USP6NL: variants seen among roughly 807,000 people sequenced by gnomAD.
The protein encoded by USP6NL is USP6 N-terminal-like protein.
USP6NL carries 26 observed loss-of-function variants against 61.9 expected under a neutral mutation model. The observed-to-expected ratio is 0.42, with a 90% CI of 0.31 to 0.58. The LOEUF is 0.58. Ranked by LOEUF, USP6NL falls within the 20% of genes least tolerant of loss-of-function variation. The pLI is 0.16. For missense variants in USP6NL, 1,114 were observed against 1,034.3 expected (o/e 1.08, Z -1.06); for synonymous variants, 432 against 390.1 (o/e 1.11, Z -1.27).
Position 11,463,675 on chromosome 10 carries a change from G to C in USP6NL, c.1253C>G (p.Pro418Arg), listed in dbSNP as rs754693238. 1.7e-5 allele frequency: 28 copies of C among 1,613,820 alleles called. No homozygotes were observed. The highest frequency in any genetic ancestry group is 2.3e-5 in the Non-Finnish European group (27 of 1,179,882). The change falls in exon 15 of 15, where the codon CCC becomes CGC. Residue 418 changes from proline to arginine, a missense_variant. Transcript: ENST00000609104. The surrounding 1 kb of genome is among the most constrained non-coding windows in gnomAD (Gnocchi z 6.3). ...PHRRHEHSPH[P>R]QSRTGTPERA... ...CTCGGGCGTCCCGGTCCTGCTCTGG[G>C]GGTGCGGGGAGTGCTCGTGCCTCCT...
intron 2 of USP6NL, among the ~76,000 whole-genome samples, chr10:11,576,484 G>A (rs781303882): frequency 2.0e-5 from 3 of 152,136 alleles, no homozygotes; most frequent in Non-Finnish European, 4.4e-5. Flanking sequence ...TTCATTAATG[G>A]GCTTAGTGCC....
intron 2 of USP6NL, among the ~76,000 whole-genome samples, chr10:11,546,816 C>A (rs541159524): frequency 4.6e-5 from 7 of 152,294 alleles, no homozygotes; most frequent in African/African-American, 1.7e-4. Flanking sequence ...AGTTAATTGC[C>A]TACTTCCTTT....
At position 11,495,363 on chromosome 10, in the gene USP6NL, A is replaced by G. The variant is rs1307990639; in HGVS notation, c.385-2135T>C. Among the ~76,000 whole-genome samples, 3 of 152,174 alleles carry G rather than the reference A, an allele frequency of 2.0e-5. No individual in the cohort carries two copies. Among genetic ancestry groups the G allele is most frequent in the Admixed American group, 2.0e-4 (3 of 15,282 alleles). On this transcript the variant is annotated intron_variant, in intron 7 of 14. Transcript: ENST00000609104. This position sits in a 1 kb window ranked among gnomAD's most constrained non-coding sequence, Gnocchi z 4.6. The stretch of plus-strand genomic sequence containing the variant: ...TCTGGTATAACTATTCTTGTTTTAT[A>G]TTTTATTATACTGGAACAGCTCGTG...
At position 11,470,160 on chromosome 10, in the gene USP6NL, G is replaced by A. The variant is rs1002527412; in HGVS notation, c.1079-6311C>T. On this transcript the variant is annotated intron_variant, in intron 14 of 14. Transcript: ENST00000609104. This position sits in a 1 kb window ranked among gnomAD's most constrained non-coding sequence, Gnocchi z 5.4. ...AGGTGAGGAAGAAGGAAGACGTGGC[G>A]GGGAGGTCACGGAAGGCAAGTAATG... Among the ~76,000 whole-genome samples, 6 of 152,170 alleles carry A rather than the reference G, an allele frequency of 3.9e-5. No homozygotes were observed. Among genetic ancestry groups the A allele is most frequent in the South Asian group, 2.1e-4 (1 of 4,816 alleles).
At position 11,499,218 on chromosome 10, in the gene USP6NL, C is replaced by T. The variant is rs1046441292; in HGVS notation, c.384+1883G>A. On this transcript the variant is annotated intron_variant, in intron 7 of 14. Coordinates refer to ENST00000609104, the MANE Select transcript of USP6NL (RefSeq NM_014688.5). This position sits in a 1 kb window ranked among gnomAD's most constrained non-coding sequence, Gnocchi z 4.5. ...GGATGAGAAAGGAAAAAAAAGTTGG[C>T]TAAATAATGATGCTGGGGGAAACTC... Among the ~76,000 whole-genome samples, 9 of 152,010 alleles carry T rather than the reference C, an allele frequency of 5.9e-5. No homozygotes were observed. Among genetic ancestry groups the T allele is most frequent in the Non-Finnish European group, 1.2e-4 (8 of 68,010 alleles).
rs1271419587 is a variant in USP6NL, at chr10:11,611,414, C to T, written c.-84+29G>A. On this transcript the variant is annotated intron_variant, in intron 1 of 14. Coordinates refer to ENST00000609104, the MANE Select transcript of USP6NL (RefSeq NM_014688.5). The surrounding 1 kb of genome is among the most constrained non-coding windows in gnomAD (Gnocchi z 5.3). ...GCGGAGCCCGCCGCCGCCGGCCCCT[C>T]ACGGCGGGAGCTGAGGAATGGAAGT... The T allele has an allele frequency of 1.3e-5, 2 of 152,510 alleles. No homozygotes were observed. Among genetic ancestry groups the T allele is most frequent in the Non-Finnish European group, 2.9e-5 (2 of 68,166 alleles). 9.4% of individuals were successfully genotyped at this position (152,510 alleles called of 1,614,324 possible). A position where few individuals can be genotyped will look rare whatever the true frequency, so the allele number is the denominator to read the frequency against.
intron 1 of USP6NL, among the ~76,000 whole-genome samples, chr10:11,607,883 TAC>T (rs1838759672): frequency 6.6e-6 from 1 of 152,228 alleles, no homozygotes; most frequent in African/African-American, 2.4e-5. Context: ...TAAGTTTTTC[TAC>T]AGTCATATCA....
In USP6NL at chr10:11,463,070, C is replaced by T. The variant is rs1266013142; in HGVS notation, c.1858G>A (p.Asp620Asn). The change falls in exon 15 of 15, where the codon GAT (aspartate) becomes AAT (asparagine). Residue 620 changes from aspartate to asparagine, a missense_variant. Transcript: ENST00000609104. This position sits in a 1 kb window ranked among gnomAD's most constrained non-coding sequence, Gnocchi z 6.3. The part of the protein sequence containing the change: ...PSHARYPSQL[D>N]GEARGLAHPP... ...TGAGCTAGCCCTCGGGCTTCCCCAT[C>T]TAGCTGGGACGGATATCGTGCATGA... 6.2e-7 allele frequency: 1 copy of T among 1,614,056 alleles called. No individual in the cohort carries two copies. The highest frequency in any genetic ancestry group is 1.1e-5 in the South Asian group (1 of 91,090).
At chr10:11,519,560 G>A (rs1835115183) in intron 4 of USP6NL, among the ~76,000 whole-genome samples, 1 of 152,144 alleles carries the variant, frequency 6.6e-6, no homozygotes, top group African/African-American at 2.4e-5. Context: ...AACCCGGGAG[G>A]TGGAGGTTGC....
intron 7 of USP6NL, among the ~76,000 whole-genome samples, chr10:11,494,453 G>A (rs928563666): frequency 3.3e-5 from 5 of 152,234 alleles, no homozygotes; most frequent in Admixed American, 3.3e-4. Context: ...GCCCCATAGG[G>A]TCGGTGAGTT....
intron 2 of USP6NL, among the ~76,000 whole-genome samples, chr10:11,571,697 A>G (rs17150568): frequency 0.12 from 18,731 of 151,512 alleles, 1,780 homozygotes; most frequent in East Asian, 0.43. Flanking sequence ...ATATTTGTCC[A>G]TATGACTTTT....
rs1410743553 is a variant in USP6NL at position 11,491,952 on chromosome 10, C to T, written c.495-1072G>A. Among the ~76,000 whole-genome samples the T allele has an allele frequency of 6.6e-6, 1 of 152,190 alleles. No homozygotes were observed. The highest frequency in any genetic ancestry group is 1.5e-5 in the Non-Finnish European group (1 of 68,036). ...CTGCAATTATTATGAGTATTTCTTC[C>T]TTATTTTTTTGTAAATGTGCTTGTA... On this transcript the variant is annotated intron_variant, in intron 8 of 14. Coordinates refer to ENST00000609104, the MANE Select transcript of USP6NL (RefSeq NM_014688.5). This position sits in a 1 kb window ranked among gnomAD's most constrained non-coding sequence, Gnocchi z 4.7.
rs145865166 is a variant in USP6NL, at chr10:11,475,154, A to C, written c.1078+6616T>G. ...TGGCTTCATCTGAATAGAAGACAGC[A>C]TGGGGGAAAACCAGTAAACAGAAAA... On this transcript the variant is annotated intron_variant, in intron 14 of 14. Coordinates refer to ENST00000609104, the MANE Select transcript of USP6NL (RefSeq NM_014688.5). 1.7e-4 allele frequency among the ~76,000 whole-genome samples: 26 copies of C among 152,298 alleles called. No individual in the cohort carries two copies. In the East Asian group the frequency reaches 5.0e-3, roughly 29 times the overall value.
chr10:11,480,550 A>T (rs1833153090), intron 14 of USP6NL, among the ~76,000 whole-genome samples: 2 of 152,252 alleles, frequency 1.3e-5, no homozygotes, highest in Non-Finnish European at 2.9e-5. Flanking sequence ...CGGCTCCACA[A>T]GGCCAAGGCC....
Position 11,463,296 on chromosome 10 carries a change from C to T in USP6NL, c.1632G>A (p.Arg544=). 1 of 1,613,876 alleles carries T rather than the reference C, an allele frequency of 6.2e-7. No individual in the cohort carries two copies. Among genetic ancestry groups the T allele is most frequent in the Non-Finnish European group, 8.5e-7 (1 of 1,179,882 alleles). The change falls in exon 15 of 15, where the codon CGG becomes CGA. Residue 544 remains arginine, a synonymous_variant. Transcript: ENST00000609104. This position sits in a 1 kb window ranked among gnomAD's most constrained non-coding sequence, Gnocchi z 6.3. ...MKALDAEDGK[R]GSTASQYDNV... is the part of the protein sequence containing the mutation. ...TGTCGTACTGCGATGCAGTGGAGCC[C>T]CGCTTCCCGTCCTCAGCATCCAGGG...
rs969027286 is a variant in USP6NL at position 11,595,513 on chromosome 10, A to T, written c.4+2118T>A. Among the ~76,000 whole-genome samples the T allele has an allele frequency of 2.6e-5, 4 of 152,200 alleles. No individual in the cohort carries two copies. Among genetic ancestry groups the T allele is most frequent in the Non-Finnish European group, 5.9e-5 (4 of 68,042 alleles). On this transcript the variant is annotated intron_variant, in intron 2 of 14. Transcript: ENST00000609104. This position sits in a 1 kb window ranked among gnomAD's most constrained non-coding sequence, Gnocchi z 5.3. ...CTAATGCCAGCTGACTCAGTGACTG[A>T]ATCTGTGATGTTCTCAACGTCACCA...
chr10:11,536,746 C>T (rs1835849231), intron 2 of USP6NL, among the ~76,000 whole-genome samples: 1 of 152,200 alleles, frequency 6.6e-6, no homozygotes, highest in Admixed American at 6.5e-5. Flanking sequence ...ATCCCACTTG[C>T]ATCTCCCATA....
At chr10:11,573,477 A>G in intron 2 of USP6NL, 1 of 394,180 alleles carries the variant, frequency 2.5e-6, no homozygotes, top group Non-Finnish European at 4.5e-6. Flanking sequence ...TTCAGATACC[A>G]TAATATATCA....
At chr10:11,472,030 C>T (rs1239626315) in intron 14 of USP6NL, among the ~76,000 whole-genome samples, 1 of 150,726 alleles carries the variant, frequency 6.6e-6, no homozygotes, top group African/African-American at 2.4e-5. Context: ...CAACTCCTCA[C>T]AGATACAGTA....
Sources: gnomAD v4.1 joint callset for allele counts (sites outside exome capture counted in the v4.1 genomes callset) on GRCh38, gnomAD v4.1.1 for gene constraint, Gnocchi (gnomAD v3.1) non-coding constraint, MANE v1.5 for transcripts, NCBI Gene and HGNC (gene_info 2026-07-23, HGNC 2026-07-21) for gene names.